Variants in C12orf42 observed in about 807,000 individuals in gnomAD.
C12orf42 encodes chromosome 12 open reading frame 42, also known as uncharacterized protein C12orf42.
C12orf42 carries 25 observed loss-of-function variants against 21.6 expected under a neutral mutation model. The observed-to-expected ratio is 1.16, with a 90% CI of 0.84 to 1.62. C12orf42 has a LOEUF of 1.62. Ranked by LOEUF, C12orf42 falls within the 40% of genes most tolerant of loss-of-function variation. The pLI, the probability that C12orf42 is intolerant of heterozygous loss-of-function variation, is 0.00. For synonymous variants in C12orf42, 174 were observed against 175.0 expected, an observed-to-expected ratio of 0.99 and a Z score of 0.05; for missense variants, 483 against 459.3, an observed-to-expected ratio of 1.05 and a Z score of -0.47.
At chr12:103,056,170 T>C in the C12orf42 span, among the ~76,000 whole-genome samples, 7 of 152,204 alleles carry the variant, frequency 4.6e-5, no homozygotes, top group East Asian at 1.3e-3. Flanking sequence ...ATTGGTATAT[T>C]TTTCCTTTTA....
chr12:103,532,986 C>T, the C12orf42 span, among the ~76,000 whole-genome samples: 1 of 152,156 alleles, frequency 6.6e-6, no homozygotes, highest in African/African-American at 2.4e-5. Context: ...GGAACCAATG[C>T]CAATCACACA....
chr12:103,234,717 T>A (rs1395682013), downstream of C12orf42, among the ~76,000 whole-genome samples: 3 of 152,180 alleles, frequency 2.0e-5, no homozygotes, highest in Non-Finnish European at 4.4e-5. Context: ...TCTATTATAA[T>A]GTCTTTCCCC....
the C12orf42 span, among the ~76,000 whole-genome samples, chr12:103,532,870 A>C: frequency 6.6e-6 from 1 of 152,250 alleles, no homozygotes; most frequent in Non-Finnish European, 1.5e-5. Flanking sequence ...GGGCAGACAC[A>C]GAGTCGAGTC....
At chr12:103,250,772 C>G (rs117849286) in intron 10 of C12orf42, among the ~76,000 whole-genome samples, 1,950 of 152,132 alleles carry the variant, frequency 0.013, 15 homozygotes, top group Non-Finnish European at 0.02. Context: ...CCCTTGTTCT[C>G]TAATCACTTC....
chr12:103,474,701 T>C (rs1196975947), intron 2 of C12orf42, among the ~76,000 whole-genome samples: 4 of 152,200 alleles, frequency 2.6e-5, no homozygotes, highest in Non-Finnish European at 5.9e-5. Context: ...AAGTAGATTT[T>C]CCTTTATTAT....
chr12:103,302,243 G>A lies in C12orf42; in HGVS notation c.948C>T (p.Ala316=), dbSNP rs202209834. Residue 316 remains alanine, a synonymous_variant, in exon 6 of 6, where the codon GCC becomes GCT. Transcript: ENST00000548883. ...TGGAGGGGAAATGGGTGGAAGCACC[G>A]GCCAGCAGAGGAAGGGGCGCTCCTG... The part of the protein sequence containing the change: ...NLAGAPLPLL[A]GASTHFPSKR... 7 of 1,611,882 alleles carry A rather than the reference G, an allele frequency of 4.3e-6. No homozygotes were observed. Among genetic ancestry groups the A allele is most frequent in the Non-Finnish European group, 5.9e-6 (7 of 1,178,928 alleles).
At chr12:103,147,091 G>C in the C12orf42 span, among the ~76,000 whole-genome samples, 2 of 152,098 alleles carry the variant, frequency 1.3e-5, no homozygotes, top group African/African-American at 4.8e-5. Flanking sequence ...GTATACAAAA[G>C]ATACATTCAC....
At chr12:103,055,843 T>G in the C12orf42 span, among the ~76,000 whole-genome samples, 1 of 152,054 alleles carries the variant, frequency 6.6e-6, no homozygotes, top group Admixed American at 6.5e-5. Flanking sequence ...AGTTCCCAAG[T>G]GTTTAGAGAT....
the C12orf42 span, among the ~76,000 whole-genome samples, chr12:103,538,022 G>T: frequency 6.6e-6 from 1 of 152,206 alleles, no homozygotes; most frequent in East Asian, 1.9e-4. Context: ...GAAGAGAGTA[G>T]TCACCAATAT....
At chr12:103,186,405 G>A in the C12orf42 span, among the ~76,000 whole-genome samples, 1 of 152,152 alleles carries the variant, frequency 6.6e-6, no homozygotes, top group African/African-American at 2.4e-5. Context: ...TATGTAAGAG[G>A]ATAAGAATTT....
chr12:103,164,614 T>C, the C12orf42 span: 1 of 423,254 alleles, frequency 2.4e-6, no homozygotes, highest in African/African-American at 2.1e-5. Flanking sequence ...ATCAATATTT[T>C]CCATATACTT....
the C12orf42 span, among the ~76,000 whole-genome samples, chr12:103,165,970 G>C: frequency 6.6e-5 from 10 of 152,076 alleles, no homozygotes; most frequent in African/African-American, 2.4e-4. Flanking sequence ...AACCCGGGAG[G>C]GGGAGGTTGG....
the C12orf42 span, among the ~76,000 whole-genome samples, chr12:103,048,937 A>C: frequency 1.3e-5 from 2 of 152,210 alleles, no homozygotes; most frequent in East Asian, 3.9e-4. Context: ...TTATCCCTCA[A>C]GTCACAATGG....
At chr12:103,436,762 A>G (rs1231052935) in intron 2 of C12orf42, among the ~76,000 whole-genome samples, 2 of 152,188 alleles carry the variant, frequency 1.3e-5, no homozygotes, top group African/African-American at 4.8e-5. Flanking sequence ...CAAGTCCTAC[A>G]AAGTGACCTA....
intron 10 of C12orf42, among the ~76,000 whole-genome samples, chr12:103,256,884 A>C (rs2136213121): frequency 6.6e-6 from 1 of 152,330 alleles, no homozygotes; most frequent in South Asian, 2.1e-4. Context: ...CAGTGTATAG[A>C]CATTCCCTTT....
At chr12:103,553,524 G>A in the C12orf42 span, among the ~76,000 whole-genome samples, 3 of 152,052 alleles carry the variant, frequency 2.0e-5, no homozygotes, top group African/African-American at 7.2e-5. Context: ...AATCTCAACC[G>A]TCTTCACCAG....
At chr12:103,394,962 C>T (rs1358003284) in intron 3 of C12orf42, among the ~76,000 whole-genome samples, 3 of 152,202 alleles carry the variant, frequency 2.0e-5, no homozygotes, top group African/African-American at 7.2e-5. Context: ...AACAGAGGCT[C>T]ACCAGAGTGC....
chr12:103,227,990 T>C, the C12orf42 span, among the ~76,000 whole-genome samples: 1 of 152,214 alleles, frequency 6.6e-6, no homozygotes, highest in African/African-American at 2.4e-5. Context: ...TTCCTTGGGC[T>C]GGTCGGTCTG....
At chr12:103,393,734 C>A (rs2374046) in intron 3 of C12orf42, among the ~76,000 whole-genome samples, 26,443 of 152,078 alleles carry the variant, frequency 0.17, 2,663 homozygotes, top group African/African-American at 0.28. Flanking sequence ...GCACTTAATA[C>A]AATTTATTGA....
Sources: gnomAD v4.1 joint callset for allele counts (sites outside exome capture counted in the v4.1 genomes callset) on GRCh38, gnomAD v4.1.1 for gene constraint, MANE v1.5 for transcripts, NCBI Gene and HGNC (gene_info 2026-07-23, HGNC 2026-07-21) for gene names.